The following ZC3H13 variants were observed in gnomAD, a reference collection of about 807,000 sequenced individuals.
The protein encoded by ZC3H13 is zinc finger CCCH-type containing 13.
Under a neutral mutation model 204.1 loss-of-function variants are expected in ZC3H13, and 64 were observed. That is an observed-to-expected ratio of 0.31 (90% confidence interval 0.26 to 0.39). The LOEUF is 0.39. Ranked by LOEUF, ZC3H13 falls within the 10% of genes least tolerant of loss-of-function variation. ZC3H13 has a pLI of 1.00. For synonymous variants in ZC3H13, 667 were observed against 693.7 expected (o/e 0.96, Z 0.60); for missense variants, 1,833 against 2,082.7 (o/e 0.88, Z 2.33).
intron 12 of ZC3H13, among the ~76,000 whole-genome samples, chr13:45,973,327 G>A (rs184957714): frequency 1.3e-5 from 2 of 152,294 alleles, no homozygotes; most frequent in Admixed American, 1.3e-4. Flanking sequence ...TGACAATACA[G>A]TTAATGAAAG....
At position 45,967,512 on chromosome 13, in the gene ZC3H13, C is replaced by G. The variant is rs1466455506; in HGVS notation, c.4313G>C (p.Ser1438Thr). The change falls in exon 15 of 19, where the codon AGT becomes ACT. Residue 1438 changes from serine to threonine, a missense_variant. Ser to Thr is a moderately conservative substitution (Grantham distance 58). Coordinates refer to ENST00000679008, the MANE Select transcript of ZC3H13 (RefSeq NM_001330564.2). ...EETNKSERTE[S>T]LEAGDDESKL... ...ACAGAGGTAGCACTCACCTTCCAGACTCTCAGTTCTCTCGGATTTATTTGT... is the reference window on the plus strand; with the variant it reads ...ACAGAGGTAGCACTCACCTTCCAGAGTCTCAGTTCTCTCGGATTTATTTGT... 6.5e-7 allele frequency: 1 copy of G among 1,548,234 alleles called. No individual in the cohort carries two copies. Among genetic ancestry groups the G allele is most frequent in the Admixed American group, 2.1e-5 (1 of 48,298 alleles).
At chr13:45,979,073 T>C (rs1335434451) in intron 11 of ZC3H13, among the ~76,000 whole-genome samples, 1 of 152,126 alleles carries the variant, frequency 6.6e-6, no homozygotes, top group Admixed American at 6.6e-5. Context: ...TTTCATGCTA[T>C]ATTAATCTCA....
chr13:46,052,005 A>AAAAAAAAC (rs1298552583), intron 1 of ZC3H13: 1 of 151,882 alleles, frequency 6.6e-6, no homozygotes, highest in East Asian at 1.9e-4. Context: ...GGAAAAAAAA[A>AAAAAAAAC]AAAACAAGAC....
chr13:45,964,130 A>G, intron 16 of ZC3H13, 88 bp from the exon 17 acceptor site: 1 of 1,298,002 alleles, frequency 7.7e-7, no homozygotes, highest in Non-Finnish European at 1.1e-6. Context: ...ATCAAGGAGA[A>G]AACAGAAAAA....
rs149147837 is a variant in ZC3H13, at chr13:45,965,350, G to A, written c.4404C>T (p.Asp1468=). ...AGEGYEPISD[D]ELDEILAGDA... Reference sequence around the variant, plus strand: ...CACCTGCCAGAATTTCATCTAGTTCGTCATCACTGATTGGCTCGTATCCTT... The same window carrying A: ...CACCTGCCAGAATTTCATCTAGTTCATCATCACTGATTGGCTCGTATCCTT... Residue 1468 remains aspartate (D), a synonymous_variant, in exon 16 of 19, where the codon GAC becomes GAT. Coordinates refer to ENST00000679008, the MANE Select transcript of ZC3H13 (RefSeq NM_001330564.2). The A allele has an allele frequency of 1.7e-5, 27 of 1,613,332 alleles. No homozygotes were observed. Among genetic ancestry groups the A allele is most frequent in the Middle Eastern group, 3.3e-4 (2 of 6,058 alleles).
chr13:46,015,474 C>A (rs1348746612), intron 5 of ZC3H13, among the ~76,000 whole-genome samples: 1 of 152,142 alleles, frequency 6.6e-6, no homozygotes, highest in Non-Finnish European at 1.5e-5. Flanking sequence ...TACACAGAAA[C>A]TCCTAGTTTT....
rs986813361 is a variant in ZC3H13 at position 45,992,508 on chromosome 13, T to C, written c.945-3411A>G. Among the ~76,000 whole-genome samples the C allele has an allele frequency of 2.0e-5, 3 of 152,244 alleles. No individual in the cohort carries two copies. The East Asian group carries it at 5.8e-4, about 29-fold the overall frequency. On this transcript the variant is annotated intron_variant, in intron 8 of 18. Transcript: ENST00000679008. ...TTTATGTGTCAACTTAATCCATTTA[T>C]GCCTAGTGTTCCATTATTGGAATAC... is the stretch of plus-strand genomic sequence containing the variant.
At chr13:46,014,301 G>A (rs1191144538) in intron 5 of ZC3H13, among the ~76,000 whole-genome samples, 2 of 151,948 alleles carry the variant, frequency 1.3e-5, no homozygotes, top group Admixed American at 1.3e-4. Flanking sequence ...TGTCATCTAG[G>A]TTTTAAGCCC....
rs1256552411 is a variant in ZC3H13 at position 45,956,242 on chromosome 13, ATTTT to A, written c.*881_*884del. On this transcript the variant is annotated 3_prime_UTR_variant, in exon 19 of 19. Coordinates refer to ENST00000679008, the MANE Select transcript of ZC3H13 (RefSeq NM_001330564.2). ...GTTAACTCTTGATTTGCTTTGAGTAATTTTTTTCTTCAAAAGCCACATTCCAAGA... is the reference window on the plus strand; with the variant it reads ...GTTAACTCTTGATTTGCTTTGAGTAATTTCTTCAAAAGCCACATTCCAAGA... 2 of 152,088 alleles carry A rather than the reference ATTTT, an allele frequency of 1.3e-5. No homozygotes were observed. Among genetic ancestry groups the A allele is most frequent in the Non-Finnish European group, 2.9e-5 (2 of 67,986 alleles). The allele number at this position is 152,088 out of a possible 1,614,324, so 9.4% of individuals were successfully genotyped here. A position where few individuals can be genotyped will look rare whatever the true frequency, so the allele number is the denominator to read the frequency against.
intron 10 of ZC3H13, among the ~76,000 whole-genome samples, chr13:45,983,512 C>T (rs192507110): frequency 1.7e-4 from 24 of 140,208 alleles, no homozygotes; most frequent in Non-Finnish European, 2.9e-4. Flanking sequence ...CTGCAAGCTC[C>T]GCCTCTTGGG....
At chr13:45,962,054 A>T in intron 17 of ZC3H13, 2 of 528,632 alleles carry the variant, frequency 3.8e-6, no homozygotes, top group Non-Finnish European at 4.8e-6. Flanking sequence ...ACTTGAATAG[A>T]CAAAATGGAA....
At chr13:46,050,928 C>CT (rs2044362160) in intron 1 of ZC3H13, among the ~76,000 whole-genome samples, 1 of 152,074 alleles carries the variant, frequency 6.6e-6, no homozygotes, top group Non-Finnish European at 1.5e-5. Context: ...AAGACTCTTT[C>CT]TATATCAACA....
Position 45,969,525 on chromosome 13 carries a change from G to A in ZC3H13, c.3019C>T (p.Arg1007Cys), listed in dbSNP as rs1207686643. 2 of 1,601,170 alleles carry A rather than the reference G, an allele frequency of 1.2e-6. No homozygotes were observed. Among genetic ancestry groups the A allele is most frequent in the East Asian group, 2.2e-5 (1 of 44,804 alleles). ...GQKKKSIEKK[R>C]KKSKGDSDIS... ...TCAGAATCACCTTTGGATTTTTTAC[G>A]TTTTTTTTCAATGCTTTTCTTTTTC... Residue 1007 changes from arginine to cysteine, a missense_variant, in exon 14 of 19, where the codon CGT (arginine) becomes TGT (cysteine). Physicochemically the swap from Arg to Cys is radical, Grantham distance 180. Around this residue, in one of 5 missense-constraint regions of ZC3H13, gnomAD observed 1,574 missense variants for 1,757.2 expected, o/e 0.90. Coordinates refer to ENST00000679008, the MANE Select transcript of ZC3H13 (RefSeq NM_001330564.2).
In ZC3H13 at chr13:46,037,051, G is replaced by A. The variant is rs569364427; in HGVS notation, c.339+5113C>T. ...TTGTTTTAATATTGTATATGAGGAC[G>A]AATAAACAACAACAAAAAACTAAAC... is the stretch of plus-strand genomic sequence containing the variant. On this transcript the variant is annotated intron_variant, in intron 4 of 18. Transcript: ENST00000679008. Among the ~76,000 whole-genome samples the A allele has an allele frequency of 4.6e-5, 7 of 152,094 alleles. No homozygotes were observed. The South Asian group carries it at 1.0e-3, about 23-fold the overall frequency.
chr13:45,970,270 C>G (rs983281754), intron 13 of ZC3H13, 92 bp downstream of exon 13: 8 of 1,380,612 alleles, frequency 5.8e-6, no homozygotes, highest in Non-Finnish European at 7.9e-6. Context: ...TTTTAAAAAT[C>G]TTAATTCATC....
chr13:46,010,361 A>G lies in ZC3H13; in HGVS notation c.733T>C (p.Leu245=), dbSNP rs1293013049. The G allele has an allele frequency of 1.2e-6, 2 of 1,612,368 alleles. No homozygotes were observed. Among genetic ancestry groups the G allele is most frequent in the East Asian group, 2.2e-5 (1 of 44,860 alleles). ...CACCCTACTGACCTCTGCTGGTCCA[A>G]CAGGGGAGAAGATACTGCAGATGTC... The part of the protein sequence containing the change: ...RKTSAVSSPL[L]DQQRNSKTNQ... Residue 245 remains leucine, a synonymous_variant, in exon 7 of 19, where the codon TTG becomes CTG. Transcript: ENST00000679008.
chr13:46,004,846 T>A (rs1370417740), intron 7 of ZC3H13, among the ~76,000 whole-genome samples: 1 of 152,216 alleles, frequency 6.6e-6, no homozygotes, highest in Non-Finnish European at 1.5e-5. Context: ...TTAATCTACT[T>A]GTAATTGATT....
chr13:46,030,875 C>A (rs2042853580), intron 4 of ZC3H13, among the ~76,000 whole-genome samples: 1 of 152,060 alleles, frequency 6.6e-6, no homozygotes, highest in South Asian at 2.1e-4. Flanking sequence ...TCAGTTCTTC[C>A]CAAATTAATA....
rs374271257 is a variant in ZC3H13, at chr13:45,969,974, A to G, written c.2573-3T>C. The G allele has an allele frequency of 2.7e-5, 43 of 1,596,976 alleles. No individual in the cohort carries two copies. In the African/African-American group the frequency reaches 4.1e-4, roughly 15 times the overall value. On this transcript the variant is annotated splice_region_variant and splice_polypyrimidine_tract_variant and intron_variant, in intron 13 of 18. Transcript: ENST00000679008. ...GCTCAAGAGTCTGTGTTTTTCATCT[A>G]TATAAAAGATAAAAGCAATCACACT...
Sources: allele counts gnomAD v4.1 joint callset (sites outside exome capture counted in the v4.1 genomes callset), GRCh38; gene constraint gnomAD v4.1.1; regional missense constraint gnomAD v4.1.1; transcripts MANE v1.5; gene names NCBI Gene and HGNC (gene_info 2026-07-23, HGNC 2026-07-21).